Variants in HDAC9 observed in about 807,000 individuals in gnomAD.
The protein encoded by HDAC9 is MEF-2 interacting transcription repressor (MITR) protein.
A neutral mutation model predicts 139.4 loss-of-function variants in HDAC9; 41 were observed. That is an observed-to-expected ratio of 0.29 (90% confidence interval 0.23 to 0.38). The LOEUF (loss-of-function observed/expected upper bound fraction) is 0.38. Ranked by LOEUF, HDAC9 falls within the 10% of genes least tolerant of loss-of-function variation. HDAC9 has a pLI of 1.00. For synonymous variants in HDAC9, 517 were observed against 476.2 expected, an observed-to-expected ratio of 1.09 and a Z score of -1.12; for missense variants, 1,147 against 1,297.0, an observed-to-expected ratio of 0.88 and a Z score of 1.78.
chr7:18,891,823 G>C (rs1800706600), intron 22 of HDAC9, among the ~76,000 whole-genome samples: 1 of 152,128 alleles, frequency 6.6e-6, no homozygotes, highest in South Asian at 2.1e-4. Flanking sequence ...GGACACATAG[G>C]ACAGAGATAC....
chr7:18,243,463 A>G (rs192451597), intron 2 of HDAC9, among the ~76,000 whole-genome samples: 32 of 152,350 alleles, frequency 2.1e-4, no homozygotes, highest in African/African-American at 7.5e-4. Flanking sequence ...GAGAAGGCCC[A>G]GTCACACAGT....
intron 13 of HDAC9, among the ~76,000 whole-genome samples, chr7:18,748,722 C>A (rs1233649591): frequency 6.6e-6 from 1 of 152,162 alleles, no homozygotes; most frequent in Admixed American, 6.5e-5. Flanking sequence ...ATTTTAAAAT[C>A]TGAAGTGTCT....
intron 12 of HDAC9, among the ~76,000 whole-genome samples, chr7:18,696,972 T>G (rs544696040): frequency 6.6e-6 from 1 of 152,268 alleles, no homozygotes; most frequent in Non-Finnish European, 1.5e-5. Context: ...GGTATTATTC[T>G]TCCCACACAT....
intron 9 of HDAC9, among the ~76,000 whole-genome samples, chr7:18,647,252 A>G (rs1249767640): frequency 6.6e-6 from 1 of 152,162 alleles, no homozygotes; most frequent in African/African-American, 2.4e-5. Flanking sequence ...AGCCTGAAAT[A>G]AGCATTTTTT....
intron 1 of HDAC9, among the ~76,000 whole-genome samples, chr7:18,469,346 A>T (rs6943353): frequency 0.039 from 5,999 of 152,284 alleles, 180 homozygotes; most frequent in East Asian, 0.12. Flanking sequence ...ATTATTCACC[A>T]TCAATTATAG....
chr7:18,966,257 G>C (rs112676693), intron 24 of HDAC9, among the ~76,000 whole-genome samples: 1 of 152,140 alleles, frequency 6.6e-6, no homozygotes, highest in Admixed American at 6.5e-5. Flanking sequence ...TAAGAAAAGC[G>C]TGTAGGGTCC....
intron 2 of HDAC9, among the ~76,000 whole-genome samples, chr7:18,510,277 A>G (rs1705384493): frequency 6.6e-6 from 1 of 152,194 alleles, no homozygotes; most frequent in South Asian, 2.1e-4. Flanking sequence ...ATGAATAATG[A>G]ATGCCAATAG....
rs1396551801 is a variant in HDAC9 at position 18,220,294 on chromosome 7, A to G, written c.25+57945A>G. ...GTTTTGCAATTATCGCATTGCTATA[A>G]AAGTTTGCTGAAAGATTAAAAATAG... On this transcript the variant is annotated intron_variant, in intron 2 of 12. Coordinates refer to the HDAC9 transcript ENST00000417496. Among the ~76,000 whole-genome samples the G allele has an allele frequency of 2.6e-5, 4 of 152,180 alleles. No homozygotes were observed. In the East Asian group the frequency reaches 5.8e-4, roughly 22 times the overall value.
intron 2 of HDAC9, among the ~76,000 whole-genome samples, chr7:18,567,289 C>A (rs1401340303): frequency 6.6e-6 from 1 of 152,148 alleles, no homozygotes; most frequent in South Asian, 2.1e-4. Flanking sequence ...TCCCCCCTAA[C>A]TGGGCAAGGC....
chr7:18,425,596 A>G (rs991752366), intron 1 of HDAC9, among the ~76,000 whole-genome samples: 1 of 152,184 alleles, frequency 6.6e-6, no homozygotes, highest in African/African-American at 2.4e-5. Flanking sequence ...ATGGCTCCAG[A>G]GGAGGATCTT....
At chr7:18,766,316 T>C (rs1232056277) in intron 15 of HDAC9, among the ~76,000 whole-genome samples, 1 of 152,200 alleles carries the variant, frequency 6.6e-6, no homozygotes, top group African/African-American at 2.4e-5. Flanking sequence ...CTACTGTTTT[T>C]CTCTATTCAT....
chr7:18,369,158 T>A (rs1357355055), intron 1 of HDAC9, among the ~76,000 whole-genome samples: 2 of 152,076 alleles, frequency 1.3e-5, no homozygotes, highest in Non-Finnish European at 2.9e-5. Context: ...ATTTAGTAGA[T>A]CCTTCTATGT....
chr7:18,734,314 T>C (rs1184878925), intron 13 of HDAC9, among the ~76,000 whole-genome samples: 2 of 152,192 alleles, frequency 1.3e-5, no homozygotes, highest in African/African-American at 2.4e-5. Flanking sequence ...TGTGCCATGT[T>C]GGTTTGCCGT....
At chr7:18,411,988 G>C (rs1021239628) in intron 1 of HDAC9, among the ~76,000 whole-genome samples, 1 of 151,844 alleles carries the variant, frequency 6.6e-6, no homozygotes, top group African/African-American at 2.4e-5. Context: ...ACTATGCCCA[G>C]CTAATGTTTG....
chr7:18,856,365 T>C (rs1797679925), intron 21 of HDAC9, among the ~76,000 whole-genome samples: 1 of 152,180 alleles, frequency 6.6e-6, no homozygotes, highest in Non-Finnish European at 1.5e-5. Flanking sequence ...AATCTATCCC[T>C]AAAAATCAAA....
intron 22 of HDAC9, among the ~76,000 whole-genome samples, chr7:18,930,733 T>G (rs936096598): frequency 6.6e-6 from 1 of 152,228 alleles, no homozygotes; most frequent in Non-Finnish European, 1.5e-5. Context: ...TTCAGCTGCC[T>G]CAGTCTCTGA....
At chr7:18,664,579 C>T (rs796282454) in intron 11 of HDAC9, among the ~76,000 whole-genome samples, 2 of 152,196 alleles carry the variant, frequency 1.3e-5, no homozygotes, top group African/African-American at 4.8e-5. Flanking sequence ...AATCCAAAGT[C>T]CCCACAGACT....
rs1012066417 is a variant in HDAC9 at position 18,133,107 on chromosome 7, C to T, written c.-96-29122C>T. Among the ~76,000 whole-genome samples the T allele has an allele frequency of 2.9e-4, 44 of 152,096 alleles. 1 individual carries two copies. Among genetic ancestry groups the T allele is most frequent in the Non-Finnish European group, 7.4e-5 (5 of 68,016 alleles). ...AAATCTTGATTCAGACTTCTTCCCA[C>T]CCTCAGCTCACCATCCTTAGCTTCT... On this transcript the variant is annotated intron_variant, in intron 1 of 12. Coordinates refer to the HDAC9 transcript ENST00000417496.
At chr7:18,866,069 A>G (rs1420982524) in intron 21 of HDAC9, among the ~76,000 whole-genome samples, 2 of 148,178 alleles carry the variant, frequency 1.3e-5, no homozygotes, top group East Asian at 2.0e-4. Flanking sequence ...AATGAAATCC[A>G]GTGTCCTCAC....
Sources: allele counts gnomAD v4.1 joint callset (sites outside exome capture counted in the v4.1 genomes callset), GRCh38; gene constraint gnomAD v4.1.1; transcripts MANE v1.5; gene names NCBI Gene and HGNC (gene_info 2026-07-23, HGNC 2026-07-21).